Variants in BRIP1 observed in about 807,000 individuals in gnomAD.
BRIP1 encodes the protein BRCA1 interacting DNA helicase 1, also known as Fanconi anemia group J protein.
A neutral mutation model predicts 119.7 loss-of-function variants in BRIP1; 88 were observed. The ratio of observed to expected loss-of-function variants is 0.74; its 90% CI spans 0.62 to 0.88. The LOEUF is 0.88. BRIP1 is among the 40% of genes least tolerant of loss of function. BRIP1 has a pLI of 0.00. For missense variants in BRIP1, 1,259 were observed against 1,455.4 expected, an observed-to-expected ratio of 0.87 and a Z score of 2.20; for synonymous variants, 443 against 496.5, an observed-to-expected ratio of 0.89 and a Z score of 1.43.
At chr17:61,749,559 C>T (rs1044822113) in intron 14 of BRIP1, among the ~76,000 whole-genome samples, 8 of 152,114 alleles carry the variant, frequency 5.3e-5, no homozygotes, top group African/African-American at 1.7e-4. Context: ...TATTGGTTCA[C>T]AGCTGTTCGG....
chr17:61,695,799 A>G lies in BRIP1; in HGVS notation c.2493-2287T>C, dbSNP rs532833767. On this transcript the variant is annotated intron_variant, in intron 17 of 19. Transcript: ENST00000259008. This position sits in a 1 kb window ranked among gnomAD's most constrained non-coding sequence, Gnocchi z 4.3. Reference sequence around the variant, plus strand: ...TTGGCTGCTAGTGAATAAAAATGTCATTGATTTTTTAATATTGGTCTTGTA... The same window carrying G: ...TTGGCTGCTAGTGAATAAAAATGTCGTTGATTTTTTAATATTGGTCTTGTA... 6.6e-6 allele frequency among the ~76,000 whole-genome samples: 1 copy of G among 152,248 alleles called. No individual in the cohort carries two copies. The highest frequency in any genetic ancestry group is 2.1e-4 in the South Asian group (1 of 4,824).
chr17:61,697,128 G>A lies in BRIP1; in HGVS notation c.2493-3616C>T, dbSNP rs746569517. On this transcript the variant is annotated intron_variant, in intron 17 of 19. Coordinates refer to ENST00000259008, the MANE Select transcript of BRIP1 (RefSeq NM_032043.3). ...CCCAGCAGTTTGGGAGGTGGATCAC[G>A]AGGTCAGGAGTTCAAGATCAGCCTG... 1.5e-4 allele frequency among the ~76,000 whole-genome samples: 22 copies of A among 151,046 alleles called. No homozygotes were observed. The South Asian group carries it at 1.7e-3, about 12-fold the overall frequency.
At chr17:61,747,609 G>A (rs1328900003) in intron 14 of BRIP1, among the ~76,000 whole-genome samples, 1 of 152,108 alleles carries the variant, frequency 6.6e-6, no homozygotes, top group Non-Finnish European at 1.5e-5. Context: ...CTAGTAAGGA[G>A]ACTGAATCAG....
rs1039429520 is a variant in BRIP1, at chr17:61,703,656, C to T, written c.2493-10144G>A. 2.6e-5 allele frequency among the ~76,000 whole-genome samples: 4 copies of T among 152,224 alleles called. No individual in the cohort carries two copies. Among genetic ancestry groups the T allele is most frequent in the East Asian group, 1.9e-4 (1 of 5,182 alleles). On this transcript the variant is annotated intron_variant, in intron 17 of 19. Coordinates refer to ENST00000259008, the MANE Select transcript of BRIP1 (RefSeq NM_032043.3). The surrounding 1 kb of genome is among the most constrained non-coding windows in gnomAD (Gnocchi z 5.0). Reference sequence around the variant, plus strand: ...TTAAGTTTAATTAAGTCCCATTCGTCGATTTTGTTTTTGTTGCAATTGCTT... The same window carrying T: ...TTAAGTTTAATTAAGTCCCATTCGTTGATTTTGTTTTTGTTGCAATTGCTT...
In BRIP1 at chr17:61,685,827, T is replaced by G. The variant is rs770944170; in HGVS notation, c.2905+9A>C. The G allele has an allele frequency of 6.3e-7, 1 of 1,597,550 alleles. No individual in the cohort carries two copies. Among genetic ancestry groups the G allele is most frequent in the South Asian group, 1.1e-5 (1 of 90,350 alleles). ...TCTATCAAAGGTAAATGGGAAGAACTTTTCATACTTTTCTCCTTTCTGGAG... is the reference window on the plus strand; with the variant it reads ...TCTATCAAAGGTAAATGGGAAGAACGTTTCATACTTTTCTCCTTTCTGGAG... On this transcript the variant is annotated intron_variant, in intron 19 of 19. Transcript: ENST00000259008.
intron 11 of BRIP1, among the ~76,000 whole-genome samples, chr17:61,783,504 C>T (rs2077655086): frequency 1.3e-5 from 2 of 151,940 alleles, no homozygotes; most frequent in Admixed American, 1.3e-4. Context: ...TGCAAATATA[C>T]TGTACTTAAT....
rs2144096164 is a variant in BRIP1, at chr17:61,684,224, T to A, written c.2906-84A>T. ...GGTTAAAATAATTATTTATTAGAAA[T>A]ACCTAAATAACTGTATAGGATACAT... On this transcript the variant is annotated intron_variant, in intron 19 of 19. Coordinates refer to ENST00000259008, the MANE Select transcript of BRIP1 (RefSeq NM_032043.3). This position sits in a 1 kb window ranked among gnomAD's most constrained non-coding sequence, Gnocchi z 4.5. 1 of 1,450,480 alleles carries A rather than the reference T, an allele frequency of 6.9e-7. No individual in the cohort carries two copies. 89.9% of individuals were successfully genotyped at this position (1,450,480 alleles called of 1,614,324 possible).
chr17:61,811,896 G>C (rs764027489), intron 6 of BRIP1, among the ~76,000 whole-genome samples: 2 of 152,064 alleles, frequency 1.3e-5, no homozygotes, highest in East Asian at 3.9e-4. Flanking sequence ...AGGTTACAGT[G>C]AGCCAAGACC....
intron 8 of BRIP1, among the ~76,000 whole-genome samples, chr17:61,800,417 A>G (rs974161291): frequency 6.6e-6 from 1 of 152,198 alleles, no homozygotes; most frequent in African/African-American, 2.4e-5. Context: ...AGGTGTCATC[A>G]AAAGCAAAGA....
intron 16 of BRIP1, among the ~76,000 whole-genome samples, chr17:61,721,897 T>A (rs1233696618): frequency 1.3e-5 from 2 of 149,680 alleles, no homozygotes; most frequent in South Asian, 2.1e-4. Context: ...TTTGTTTGTT[T>A]GTTTGTTTTT....
rs544734207 is a variant in BRIP1, at chr17:61,693,358, A to T, written c.2575+72T>A. The T allele has an allele frequency of 7.8e-7, 1 of 1,288,150 alleles. No individual in the cohort carries two copies. The highest frequency in any genetic ancestry group is 1.1e-6 in the Non-Finnish European group (1 of 883,742). The allele number at this position is 1,288,150 out of a possible 1,614,324, so 79.8% of individuals were successfully genotyped here. A position where few individuals can be genotyped will look rare whatever the true frequency, so the allele number is the denominator to read the frequency against. ...TTAATAAGATAGTAGAGCTCATGTT[A>T]TGTGTTTTTCACCACAATAAAAATA... On this transcript the variant is annotated intron_variant, in intron 18 of 19. Transcript: ENST00000259008. The surrounding 1 kb of genome is among the most constrained non-coding windows in gnomAD (Gnocchi z 4.2).
Position 61,815,810 on chromosome 17 carries a change from T to C in BRIP1, c.628-7053A>G, listed in dbSNP as rs1254802700. ...AAAAGTCATGCATATGAAGAGCTAG[T>C]GGTAAAAGGCCAATGAACATAGAAT... On this transcript the variant is annotated intron_variant, in intron 6 of 19. Transcript: ENST00000259008. This position sits in a 1 kb window ranked among gnomAD's most constrained non-coding sequence, Gnocchi z 4.1. Among the ~76,000 whole-genome samples, 1 of 152,102 alleles carries C rather than the reference T, an allele frequency of 6.6e-6. No individual in the cohort carries two copies. The highest frequency in any genetic ancestry group is 1.5e-5 in the Non-Finnish European group (1 of 68,016).
At chr17:61,838,418 C>T (rs1221973564) in intron 6 of BRIP1, among the ~76,000 whole-genome samples, 2 of 151,646 alleles carry the variant, frequency 1.3e-5, no homozygotes, top group South Asian at 2.1e-4. Context: ...TGGTGACGGG[C>T]GCCTGTAGTC....
rs1567749759 is a variant in BRIP1, at chr17:61,708,160, T to C, written c.2492+7791A>G. On this transcript the variant is annotated intron_variant, in intron 17 of 19. Transcript: ENST00000259008. The surrounding 1 kb of genome is among the most constrained non-coding windows in gnomAD (Gnocchi z 4.4). The stretch of plus-strand genomic sequence containing the variant: ...TGTATGTAGCCTGCAAAGCCTAAAA[T>C]ATACACAATAGTCCCCCACAGCCAC... Among the ~76,000 whole-genome samples the C allele has an allele frequency of 1.3e-5, 2 of 152,142 alleles. No individual in the cohort carries two copies. Among genetic ancestry groups the C allele is most frequent in the Non-Finnish European group, 2.9e-5 (2 of 68,020 alleles).
At position 61,770,946 on chromosome 17, in the gene BRIP1, C is replaced by T. The variant is rs147653415; in HGVS notation, c.2097+5455G>A. ...CTACCTTAGCACTAATTACATTAAA[C>T]GTAAATGGAGTAAACACTCAAGTTA... On this transcript the variant is annotated intron_variant, in intron 14 of 19. Transcript: ENST00000259008. The surrounding 1 kb of genome is among the most constrained non-coding windows in gnomAD (Gnocchi z 4.7). Among the ~76,000 whole-genome samples the T allele has an allele frequency of 4.5e-4, 69 of 151,962 alleles. No individual in the cohort carries two copies. In the East Asian group the frequency reaches 0.01, roughly 23 times the overall value.
chr17:61,719,130 TG>T (rs1310795262), intron 16 of BRIP1, among the ~76,000 whole-genome samples: 1 of 151,852 alleles, frequency 6.6e-6, no homozygotes, highest in African/African-American at 2.4e-5. Flanking sequence ...AATAAAGATA[TG>T]TGGAGTTACT....
chr17:61,818,211 G>A (rs2078267465), intron 6 of BRIP1, among the ~76,000 whole-genome samples: 2 of 151,386 alleles, frequency 1.3e-5, no homozygotes, highest in African/African-American at 4.9e-5. Context: ...GGGGGGGAAA[G>A]ATGGGCAAGT....
In BRIP1 at chr17:61,830,057, C is replaced by T. The variant is rs558892427; in HGVS notation, c.627+17044G>A. Among the ~76,000 whole-genome samples the T allele has an allele frequency of 4.5e-3, 678 of 151,996 alleles. 5 individuals carry two copies. The highest frequency in any genetic ancestry group is 6.9e-3 in the Non-Finnish European group (466 of 67,948). ...AAGCAATTCTCCTGCCTCAGCCTCC[C>T]GAGTAGCTGGGATTACAGGCGCCCA... On this transcript the variant is annotated intron_variant, in intron 6 of 19. Transcript: ENST00000259008.
chr17:61,731,790 A>G (rs1248937638), intron 16 of BRIP1, among the ~76,000 whole-genome samples: 1 of 151,356 alleles, frequency 6.6e-6, no homozygotes, highest in Non-Finnish European at 1.5e-5. Context: ...TTGTTTCTTC[A>G]TTACATTAAT....
Sources: allele counts gnomAD v4.1 joint callset (sites outside exome capture counted in the v4.1 genomes callset), GRCh38; gene constraint gnomAD v4.1.1; non-coding constraint Gnocchi (gnomAD v3.1); transcripts MANE v1.5; gene names NCBI Gene and HGNC (gene_info 2026-07-23, HGNC 2026-07-21).